ADGRL4: variants seen among roughly 807,000 people sequenced by gnomAD.
ADGRL4 encodes the protein adhesion G protein-coupled receptor L4, also known as EGF, latrophilin and seven transmembrane domain containing 1.
ADGRL4 carries 90 observed loss-of-function variants against 74.8 expected under a neutral mutation model. The ratio of observed to expected loss-of-function variants is 1.20; its 90% confidence interval spans 1.02 to 1.43. The LOEUF (loss-of-function observed/expected upper bound fraction) is 1.43. ADGRL4 is among the 40% of genes most tolerant of loss of function. The probability of loss-of-function intolerance (pLI) is 0.00; values close to 1 mark genes in which losing one functional copy is unlikely to be tolerated. For synonymous variants in ADGRL4, 311 were observed against 279.2 expected (o/e 1.11, Z -1.14); for missense variants, 881 against 814.3 (o/e 1.08, Z -1.00).
intron 2 of ADGRL4, among the ~76,000 whole-genome samples, chr1:78,956,643 C>A (rs535116327): frequency 6.6e-6 from 1 of 152,124 alleles, no homozygotes; most frequent in East Asian, 1.9e-4. Context: ...TTATTTGTCA[C>A]AATGAATAAT....
chr1:78,941,549 A>C (rs371641565), intron 3 of ADGRL4, among the ~76,000 whole-genome samples: 1 of 150,222 alleles, frequency 6.7e-6, no homozygotes, highest in Admixed American at 6.6e-5. Context: ...TTTTCTCTCA[A>C]TTTCAATCCC....
rs74397366 is a variant in ADGRL4, at chr1:78,920,642, G to A, written c.1258-256C>T. ...GATTTTTTTTCTAGGCATAGTATTA[G>A]TATTAGTACATGGTTTAACAATGTT... On this transcript the variant is annotated intron_variant, in intron 9 of 14. Transcript: ENST00000370742. Among the ~76,000 whole-genome samples, 1,476 of 151,842 alleles carry A rather than the reference G, an allele frequency of 9.7e-3. 7 individuals carry two copies. Among genetic ancestry groups the A allele is most frequent in the Non-Finnish European group, 0.016 (1,056 of 67,850 alleles).
chr1:78,969,498 C>T (rs552778883), intron 2 of ADGRL4, among the ~76,000 whole-genome samples: 1 of 152,142 alleles, frequency 6.6e-6, no homozygotes, highest in Non-Finnish European at 1.5e-5. Context: ...GATCACCCAA[C>T]TCACAGATAT....
chr1:78,970,723 G>GA (rs1464238754), intron 2 of ADGRL4, among the ~76,000 whole-genome samples: 6 of 152,082 alleles, frequency 3.9e-5, no homozygotes, highest in Non-Finnish European at 5.9e-5. Context: ...GGACTCCATT[G>GA]AAAAAATCTC....
Position 78,946,283 on chromosome 1 carries a change from C to A in ADGRL4, c.316G>T (p.Val106Phe), listed in dbSNP as rs41313381. The A allele has an allele frequency of 0.025, 40,781 of 1,610,012 alleles. 625 individuals carry two copies. Among genetic ancestry groups the A allele is most frequent in the Non-Finnish European group, 0.03 (34,989 of 1,178,262 alleles). Residue 106 changes from valine (V) to phenylalanine (F), a missense_variant, in exon 3 of 15, where the codon GTC (valine) becomes TTC (phenylalanine). By Grantham distance (50) the Val-to-Phe change is conservative. Transcript: ENST00000370742. ...QDRFITNDGT[V>F]CIENVNANCH... ...AGATAACCGAACTTACCTATACAGA[C>A]GGTTCCATCATTAGTGATAAACCTG...
intron 2 of ADGRL4, among the ~76,000 whole-genome samples, chr1:78,989,832 T>C (rs1226800063): frequency 7.2e-5 from 11 of 151,982 alleles, no homozygotes; most frequent in South Asian, 2.1e-4. Context: ...AGTCCTTTAA[T>C]TGTATTTTCG....
chr1:78,955,019 C>T (rs1387422), intron 2 of ADGRL4, among the ~76,000 whole-genome samples: 43,785 of 151,850 alleles, frequency 0.29, 6,348 homozygotes, highest in Middle Eastern at 0.33. Flanking sequence ...TATTCTAAAT[C>T]GTGAAACTTT....
chr1:78,920,234 T>C lies in ADGRL4; in HGVS notation c.1410A>G (p.Leu470=), dbSNP rs371051366. 320 of 1,611,954 alleles carry C rather than the reference T, an allele frequency of 2.0e-4. No homozygotes were observed. In the African/African-American group the frequency reaches 4.0e-3, roughly 20 times the overall value. The change falls in exon 10 of 15, where the codon CTA becomes CTG. Residue 470 remains leucine (L), a synonymous_variant. Transcript: ENST00000370742. ...CAAGAAAAACAAGTTCAGCAAGAAA[T>C]AGGCTACAGCAAAGATTTTTGTGAA... is the stretch of plus-strand genomic sequence containing the variant. The part of the protein sequence containing the change: ...TTIHKNLCCS[L]FLAELVFLVG...
Position 78,938,227 on chromosome 1 carries a change from G to A in ADGRL4, c.449C>T (p.Ser150Phe), listed in dbSNP as rs751762953. 1.2e-6 allele frequency: 2 copies of A among 1,610,780 alleles called. No homozygotes were observed. Among genetic ancestry groups the A allele is most frequent in the Non-Finnish European group, 8.5e-7 (1 of 1,179,144 alleles). The change falls in exon 5 of 15, where the codon TCT becomes TTT. Residue 150 changes from serine (S) to phenylalanine (F), a missense_variant. Physicochemically the swap from Ser to Phe is radical, Grantham distance 155. Transcript: ENST00000370742. ...ATCTGTTGGTGAAAGATCTGTCACA[G>A]AATTTCTATAGACTTCTTGTAGCAA... ...VALLQEVYRNSVTDLSPTDII... is the reference protein window; with the variant it reads ...VALLQEVYRNFVTDLSPTDII...
intron 12 of ADGRL4, among the ~76,000 whole-genome samples, chr1:78,910,057 C>T (rs1648726789): frequency 6.6e-6 from 1 of 151,600 alleles, no homozygotes; most frequent in Non-Finnish European, 1.5e-5. Flanking sequence ...ATACACACAG[C>T]AGAGGTCTAA....
chr1:78,979,416 T>C (rs960889573), intron 2 of ADGRL4, among the ~76,000 whole-genome samples: 44 of 152,092 alleles, frequency 2.9e-4, no homozygotes, highest in African/African-American at 1.1e-3. Flanking sequence ...TCAAACATCT[T>C]ATGGCTCTAA....
intron 2 of ADGRL4, among the ~76,000 whole-genome samples, chr1:78,979,286 A>G (rs916399611): frequency 2.6e-5 from 4 of 152,090 alleles, no homozygotes; most frequent in Admixed American, 2.0e-4. Context: ...ACCTTGATTT[A>G]TAAGTCCGTT....
intron 2 of ADGRL4, among the ~76,000 whole-genome samples, chr1:78,986,804 G>T (rs1449806251): frequency 1.3e-5 from 2 of 151,594 alleles, no homozygotes; most frequent in Non-Finnish European, 3.0e-5. Flanking sequence ...GGTCCTATTT[G>T]AAATAACTAT....
At chr1:78,994,255 T>C (rs1650671064) in intron 2 of ADGRL4, among the ~76,000 whole-genome samples, 1 of 152,206 alleles carries the variant, frequency 6.6e-6, no homozygotes, top group Non-Finnish European at 1.5e-5. Context: ...GGATGCTCTG[T>C]ATTTACAGCA....
intron 2 of ADGRL4, among the ~76,000 whole-genome samples, chr1:78,979,616 C>T (rs115237730): frequency 3.3e-5 from 5 of 151,836 alleles, no homozygotes; most frequent in Non-Finnish European, 7.4e-5. Flanking sequence ...TATCACAACA[C>T]AATTTGAAAT....
intron 1 of ADGRL4, among the ~76,000 whole-genome samples, chr1:79,005,741 TTTTCAATTTCAATTGTTTTCAA>T (rs1455154660): frequency 2.0e-5 from 3 of 152,228 alleles, no homozygotes; most frequent in Non-Finnish European, 2.9e-5. Flanking sequence ...CTAATGATTG[TTTTCAATTTCAATTGTTTTCAA>T]TTTCAATTTC....
At chr1:78,957,242 G>T (rs1649855858) in intron 2 of ADGRL4, among the ~76,000 whole-genome samples, 1 of 152,100 alleles carries the variant, frequency 6.6e-6, no homozygotes. Flanking sequence ...ACCCTACAAT[G>T]TTCTCTAAGT....
intron 8 of ADGRL4, 93 bp downstream of exon 8, chr1:78,926,793 C>G: frequency 2.2e-6 from 2 of 899,510 alleles, no homozygotes; most frequent in South Asian, 3.7e-5. Context: ...TTTTTAAACT[C>G]AAGAACTCAG....
chr1:78,930,590 A>G (rs1185334965), intron 7 of ADGRL4, among the ~76,000 whole-genome samples: 1 of 150,504 alleles, frequency 6.6e-6, no homozygotes, highest in Non-Finnish European at 1.5e-5. Context: ...AGCTGGGATT[A>G]CAGGCACCCA....
Sources: allele counts gnomAD v4.1 joint callset (sites outside exome capture counted in the v4.1 genomes callset), GRCh38; gene constraint gnomAD v4.1.1; transcripts MANE v1.5; gene names NCBI Gene and HGNC (gene_info 2026-07-23, HGNC 2026-07-21).